Variants in SETBP1 observed in about 807,000 individuals in gnomAD.
The protein encoded by SETBP1 is SET binding protein 1.
Under a neutral mutation model 101.0 loss-of-function variants are expected in SETBP1, and 9 were observed. The ratio of observed to expected loss-of-function variants is 0.09; its 90% CI spans 0.05 to 0.16. The LOEUF (loss-of-function observed/expected upper bound fraction) is 0.16. Ranked by LOEUF, SETBP1 falls within the 10% of genes least tolerant of loss-of-function variation. The pLI, the probability that SETBP1 is intolerant of heterozygous loss-of-function variation, is 1.00. For missense variants in SETBP1, 1,858 were observed against 2,033.8 expected (o/e 0.91, Z 1.66); for synonymous variants, 818 against 788.5 (o/e 1.04, Z -0.63).
chr18:44,984,508 G>C (rs547019142), intron 4 of SETBP1, among the ~76,000 whole-genome samples: 2 of 152,150 alleles, frequency 1.3e-5, no homozygotes, highest in African/African-American at 4.8e-5. Context: ...TGCACCTGCC[G>C]CTTAACTCTT....
At chr18:45,010,914 C>A (rs1229838005) in intron 4 of SETBP1, among the ~76,000 whole-genome samples, 1 of 152,106 alleles carries the variant, frequency 6.6e-6, no homozygotes, top group African/African-American at 2.4e-5. Context: ...TAAAGGAAAG[C>A]AAAGTTCTAA....
chr18:44,871,222 C>T (rs1260528404), intron 3 of SETBP1: 1 of 152,158 alleles, frequency 6.6e-6, no homozygotes, highest in Non-Finnish European at 1.5e-5. Flanking sequence ...GTGAAAGGCC[C>T]AGATGTGTCT....
Position 44,950,097 on chromosome 18 carries a change from G to T in SETBP1, c.757G>T (p.Ala253Ser). 6.2e-7 allele frequency: 1 copy of T among 1,614,112 alleles called. No individual in the cohort carries two copies. Among genetic ancestry groups the T allele is most frequent in the Non-Finnish European group, 8.5e-7 (1 of 1,180,046 alleles). The change falls in exon 4 of 6, where the codon GCT (alanine) becomes TCT (serine). Residue 253 changes from alanine (A) to serine (S), a missense_variant. Physicochemically the swap from Ala to Ser is moderately conservative, Grantham distance 99 (BLOSUM62 1). This residue lies in a region of SETBP1 where 581 missense variants were observed against 535.1 expected (regional missense o/e 1.09). Transcript: ENST00000649279. ...AACTGCAAGCACCAGCAAGATCCCC[G>T]CTCTTGAGCCCGTGGCTTCCTTTGC... ...RETASTSKIP[A>S]LEPVASFAKA...
intron 2 of SETBP1, among the ~76,000 whole-genome samples, chr18:44,716,084 T>A (rs964569492): frequency 6.6e-5 from 10 of 152,208 alleles, no homozygotes; most frequent in East Asian, 3.8e-4. Context: ...GATTTTTTTT[T>A]AAATACCAAT....
intron 3 of SETBP1, 48 bp downstream of exon 3, chr18:44,869,331 C>A: frequency 6.4e-7 from 1 of 1,573,650 alleles, no homozygotes; most frequent in Non-Finnish European, 8.7e-7. Flanking sequence ...TAAAATGATC[C>A]AGAGTTTGGT....
intron 2 of SETBP1, among the ~76,000 whole-genome samples, chr18:44,804,619 A>C (rs766533878): frequency 1.2e-4 from 18 of 152,142 alleles, no homozygotes; most frequent in Non-Finnish European, 2.1e-4. Flanking sequence ...AAGTATTTTC[A>C]TAATTCTCAT....
chr18:44,995,541 G>GTGTGTGTA (rs1274803353), intron 4 of SETBP1, among the ~76,000 whole-genome samples: 1 of 150,556 alleles, frequency 6.6e-6, no homozygotes, highest in Non-Finnish European at 1.5e-5. Flanking sequence ...GTGTGTGTGT[G>GTGTGTGTA]TGTGTGTGTG....
chr18:44,857,213 A>ATG (rs2072996883), intron 2 of SETBP1, among the ~76,000 whole-genome samples: 1 of 152,200 alleles, frequency 6.6e-6, no homozygotes, highest in Non-Finnish European at 1.5e-5. Flanking sequence ...CTTCCTAGAG[A>ATG]TACAGATAGG....
intron 4 of SETBP1, among the ~76,000 whole-genome samples, chr18:45,029,115 G>A (rs2073234777): frequency 6.6e-6 from 1 of 152,124 alleles, no homozygotes; most frequent in Non-Finnish European, 1.5e-5. Flanking sequence ...GTAATGCCTA[G>A]GTTTTCTTCT....
intron 3 of SETBP1, chr18:44,876,910 G>T: frequency 2.6e-5 from 35 of 1,368,260 alleles, no homozygotes; most frequent in Non-Finnish European, 3.3e-5. Context: ...GGGTCTAAAA[G>T]ATAATCCAAA....
intron 4 of SETBP1, among the ~76,000 whole-genome samples, chr18:44,961,910 A>C (rs533199453): frequency 1.7e-4 from 26 of 152,330 alleles, no homozygotes; most frequent in Non-Finnish European, 3.4e-4. Context: ...CCATGTACAA[A>C]GGATTATAGA....
intron 4 of SETBP1, among the ~76,000 whole-genome samples, chr18:45,030,231 AT>A (rs1364811625): frequency 8.0e-6 from 1 of 125,270 alleles, no homozygotes; most frequent in Non-Finnish European, 1.7e-5. Context: ...GGGTTGTTGA[AT>A]TTTGTCAAAG....
intron 2 of SETBP1, among the ~76,000 whole-genome samples, chr18:44,799,488 C>G (rs953057512): frequency 6.6e-6 from 1 of 152,200 alleles, no homozygotes; most frequent in African/African-American, 2.4e-5. Context: ...AAACTGCACT[C>G]TTGCGCATGT....
intron 2 of SETBP1, among the ~76,000 whole-genome samples, chr18:44,811,541 A>C (rs1195808015): frequency 1.3e-5 from 2 of 152,224 alleles, no homozygotes; most frequent in Non-Finnish European, 2.9e-5. Context: ...GTGCAGTCAT[A>C]TGACTCTGTA....
rs1463358097 is a variant in SETBP1 at position 44,681,343 on chromosome 18, T to C, written c.-173+322T>C. Among the ~76,000 whole-genome samples the C allele has an allele frequency of 2.0e-5, 3 of 152,182 alleles. No individual in the cohort carries two copies. In the East Asian group the frequency reaches 5.8e-4, roughly 29 times the overall value. On this transcript the variant is annotated intron_variant, in intron 1 of 5. Transcript: ENST00000649279. ...TTGACCGAAATACTGTCTGAGAAGT[T>C]CCGCAGGGACAAAGTCAGGTAAACT...
chr18:44,796,969 A>G (rs1344303141), intron 2 of SETBP1, among the ~76,000 whole-genome samples: 3 of 152,046 alleles, frequency 2.0e-5, no homozygotes, highest in Admixed American at 6.5e-5. Flanking sequence ...GCCTACCTGA[A>G]GGGGGGTAAA....
intron 4 of SETBP1, among the ~76,000 whole-genome samples, chr18:45,032,718 T>C (rs1427899781): frequency 6.6e-6 from 1 of 152,122 alleles, no homozygotes; most frequent in Non-Finnish European, 1.5e-5. Context: ...CAGAAAGCTG[T>C]GTCTTTTTCT....
At chr18:44,972,527 T>C (rs1485572885) in intron 4 of SETBP1, among the ~76,000 whole-genome samples, 4 of 152,224 alleles carry the variant, frequency 2.6e-5, no homozygotes, top group Non-Finnish European at 5.9e-5. Context: ...GTTCTTCTAT[T>C]TGTTTGTATC....
intron 3 of SETBP1, among the ~76,000 whole-genome samples, chr18:44,890,303 C>T (rs528436897): frequency 1.1e-4 from 17 of 152,150 alleles, no homozygotes; most frequent in African/African-American, 2.9e-4. Flanking sequence ...ACTGCAGTAT[C>T]GCCAAATCTT....
Sources: gnomAD v4.1 joint callset for allele counts (sites outside exome capture counted in the v4.1 genomes callset) on GRCh38, gnomAD v4.1.1 for gene constraint, gnomAD v4.1.1 regional missense constraint, MANE v1.5 for transcripts, NCBI Gene and HGNC (gene_info 2026-07-23, HGNC 2026-07-21) for gene names.